DYNC1LI1: variants seen among roughly 807,000 people sequenced by gnomAD.
The protein encoded by DYNC1LI1 is cytoplasmic dynein 1 light intermediate chain 1.
DYNC1LI1 carries 19 observed loss-of-function variants against 63.8 expected under a neutral mutation model. The observed-to-expected ratio is 0.30, with a 90% CI of 0.21 to 0.44. DYNC1LI1 has a LOEUF of 0.44. Among genes scored for constraint, DYNC1LI1 ranks in the 20% least tolerant of loss-of-function variants. DYNC1LI1 has a pLI of 1.00. For missense variants in DYNC1LI1, 565 were observed against 630.2 expected, an observed-to-expected ratio of 0.90 and a Z score of 1.11; for synonymous variants, 225 against 232.3, an observed-to-expected ratio of 0.97 and a Z score of 0.28.
At chr3:32,528,377 T>C (rs575678275) in intron 12 of DYNC1LI1, 69 bp downstream of exon 12, 1 of 1,552,716 alleles carries the variant, frequency 6.4e-7, no homozygotes, top group African/African-American at 1.4e-5. Flanking sequence ...ACACTTTACA[T>C]GAGTGAACTT....
intron 2 of DYNC1LI1, among the ~76,000 whole-genome samples, chr3:32,562,454 C>T (rs905317406): frequency 5.9e-5 from 9 of 152,136 alleles, no homozygotes; most frequent in Non-Finnish European, 1.5e-5. Context: ...AACCTTCTGC[C>T]TCAGCCTCCC....
intron 12 of DYNC1LI1, 141 bp from the exon 13 acceptor site, chr3:32,527,049 T>G (rs539201085): frequency 3.4e-6 from 2 of 592,746 alleles, no homozygotes; most frequent in East Asian, 3.0e-5. Flanking sequence ...ACACTTAATT[T>G]AAAAATTTCA....
At chr3:32,532,218 C>A (rs993404490) in intron 8 of DYNC1LI1, 4 of 152,066 alleles carry the variant, frequency 2.6e-5, no homozygotes, top group Non-Finnish European at 5.9e-5. Flanking sequence ...GTAATCCCAG[C>A]ACTTTGGGAG....
In DYNC1LI1 at chr3:32,570,847, G is replaced by T; in HGVS notation, c.-77C>A. 2.7e-6 allele frequency: 4 copies of T among 1,507,668 alleles called. No individual in the cohort carries two copies. Among genetic ancestry groups the T allele is most frequent in the Non-Finnish European group, 3.6e-6 (4 of 1,122,822 alleles). 93.4% of individuals were successfully genotyped at this position (1,507,668 alleles called of 1,614,324 possible). ...GAGGCGGTGGCGGTGGAGGCGGCGG[G>T]AACCCGGATATGGGGCGTTCAGCGC... On this transcript the variant is annotated 5_prime_UTR_variant, in exon 1 of 13. Coordinates refer to ENST00000273130, the MANE Select transcript of DYNC1LI1 (RefSeq NM_016141.4).
At chr3:32,553,724 CACA>C (rs1364880007) in intron 2 of DYNC1LI1, among the ~76,000 whole-genome samples, 2 of 152,326 alleles carry the variant, frequency 1.3e-5, no homozygotes, top group East Asian at 1.9e-4. Context: ...CTGTAACTAA[CACA>C]ACAACTCTGA....
At chr3:32,557,642 G>A (rs1698132937) in intron 2 of DYNC1LI1, among the ~76,000 whole-genome samples, 1 of 152,030 alleles carries the variant, frequency 6.6e-6, no homozygotes, top group Non-Finnish European at 1.5e-5. Context: ...GTTATTGTTT[G>A]GAAAACACAA....
At chr3:32,537,959 ATAATATATATAT>A (rs1381361696) in intron 5 of DYNC1LI1, among the ~76,000 whole-genome samples, 1 of 2,914 alleles carries the variant, frequency 3.4e-4, no homozygotes, top group Non-Finnish European at 5.9e-4. Flanking sequence ...ATTTATATAT[ATAATATATATAT>A]ATTTATATAT....
chr3:32,565,711 G>GC (rs1396336006), intron 2 of DYNC1LI1, among the ~76,000 whole-genome samples: 1 of 152,118 alleles, frequency 6.6e-6, no homozygotes, highest in Non-Finnish European at 1.5e-5. Flanking sequence ...CCTGGTTCAA[G>GC]CGAGTCTCCT....
At chr3:32,529,695 C>T (rs1697669652) in intron 10 of DYNC1LI1, 35 bp from the exon 11 acceptor site, 3 of 1,531,842 alleles carry the variant, frequency 2.0e-6, no homozygotes, top group Non-Finnish European at 2.6e-6. Context: ...TTATAAAAAC[C>T]TGAAACTTTC....
At chr3:32,554,861 G>T (rs9851744) in intron 2 of DYNC1LI1, among the ~76,000 whole-genome samples, 4,153 of 132,630 alleles carry the variant, frequency 0.031, 205 homozygotes, top group African/African-American at 0.11. Flanking sequence ...TAAAATTTTT[G>T]AATTTTTTTT....
At chr3:32,537,224 A>G in intron 5 of DYNC1LI1, 120 bp from the exon 6 acceptor site, 1 of 520,318 alleles carries the variant, frequency 1.9e-6, no homozygotes, top group Admixed American at 3.9e-5. Context: ...GATATGGTGA[A>G]TGAACAGCAG....
intron 3 of DYNC1LI1, chr3:32,545,502 TAAA>T (rs1325773890): frequency 9.2e-6 from 3 of 326,098 alleles, no homozygotes; most frequent in African/African-American, 6.6e-5. Context: ...AGCTGATAGA[TAAA>T]AAAGCTGAGT....
intron 6 of DYNC1LI1, among the ~76,000 whole-genome samples, chr3:32,536,121 A>C (rs991527571): frequency 2.6e-5 from 4 of 152,226 alleles, no homozygotes; most frequent in African/African-American, 9.6e-5. Context: ...GGGGAAAGGG[A>C]AACTATCAGT....
chr3:32,555,116 C>T (rs924058985), intron 2 of DYNC1LI1, among the ~76,000 whole-genome samples: 8 of 152,190 alleles, frequency 5.3e-5, no homozygotes, highest in African/African-American at 1.2e-4. Context: ...GTGATCTGCC[C>T]GCCTCAGCCT....
chr3:32,557,847 C>T (rs1462028561), intron 2 of DYNC1LI1, among the ~76,000 whole-genome samples: 4 of 152,122 alleles, frequency 2.6e-5, no homozygotes, highest in Non-Finnish European at 4.4e-5. Context: ...AAATAGTTAA[C>T]GATCTGTAAA....
intron 6 of DYNC1LI1, 59 bp downstream of exon 6, chr3:32,536,952 T>A: frequency 2.0e-6 from 2 of 1,016,504 alleles, no homozygotes; most frequent in Non-Finnish European, 1.5e-6. Context: ...CTTTTAACTT[T>A]AAAAAACTAA....
chr3:32,548,034 A>G (rs1697980310), intron 2 of DYNC1LI1, among the ~76,000 whole-genome samples: 1 of 152,032 alleles, frequency 6.6e-6, no homozygotes, highest in Admixed American at 6.6e-5. Flanking sequence ...ACACACACAT[A>G]CTCGCAATGC....
At chr3:32,567,339 C>T (rs1335650617) in intron 2 of DYNC1LI1, among the ~76,000 whole-genome samples, 3 of 152,068 alleles carry the variant, frequency 2.0e-5, no homozygotes, top group African/African-American at 7.2e-5. Context: ...GGCTCTTACA[C>T]ATACACACGT....
In DYNC1LI1 at chr3:32,570,372, G is replaced by A. The variant is rs1221108552; in HGVS notation, c.194C>T (p.Pro65Leu). 2 of 1,604,368 alleles carry A rather than the reference G, an allele frequency of 1.2e-6. No individual in the cohort carries two copies. The highest frequency in any genetic ancestry group is 8.5e-7 in the Non-Finnish European group (1 of 1,176,154). Residue 65 changes from proline (P) to leucine (L), a missense_variant, in exon 2 of 13, where the codon CCT becomes CTT. Transcript: ENST00000273130. ...EVSTRSRSKLPAGKNVLLLGE... is the reference protein window; with the variant it reads ...EVSTRSRSKLLAGKNVLLLGE... Reference sequence around the variant, plus strand: ...CAGCAGTAGCACGTTCTTCCCCGCAGGGAGCTTGGAGCGCGAGCGGGTGGA... The same window carrying A: ...CAGCAGTAGCACGTTCTTCCCCGCAAGGAGCTTGGAGCGCGAGCGGGTGGA...
Sources: gnomAD v4.1 joint callset for allele counts (sites outside exome capture counted in the v4.1 genomes callset) on GRCh38, gnomAD v4.1.1 for gene constraint, MANE v1.5 for transcripts, NCBI Gene and HGNC (gene_info 2026-07-23, HGNC 2026-07-21) for gene names.